FGFR1OP2: variants seen among roughly 807,000 people sequenced by gnomAD.
The protein encoded by FGFR1OP2 is FGFR1 oncogene partner 2.
Under a neutral mutation model 35.2 loss-of-function variants are expected in FGFR1OP2, and 17 were observed. The observed-to-expected ratio is 0.48, with a 90% CI of 0.33 to 0.73. FGFR1OP2 has a LOEUF of 0.73. Among genes scored for constraint, FGFR1OP2 ranks in the 30% least tolerant of loss-of-function variants. The pLI, the probability that FGFR1OP2 is intolerant of heterozygous loss-of-function variation, is 0.02. For synonymous variants in FGFR1OP2, 105 were observed against 104.6 expected (o/e 1.00, Z -0.03); for missense variants, 251 against 307.3 (o/e 0.82, Z 1.37).
intron 1 of FGFR1OP2, among the ~76,000 whole-genome samples, chr12:26,947,891 T>C (rs1938855074): frequency 6.6e-6 from 1 of 152,202 alleles, no homozygotes; most frequent in Non-Finnish European, 1.5e-5. Context: ...TCCTTTGATA[T>C]TCCTTTGTTT....
chr12:26,938,950 C>T (rs1248307967), intron 1 of FGFR1OP2, among the ~76,000 whole-genome samples: 2 of 152,204 alleles, frequency 1.3e-5, no homozygotes, highest in East Asian at 3.9e-4. Context: ...AGCCTTGGCT[C>T]TAACCCTGTG....
At chr12:26,941,710 G>A (rs1938737023) in intron 1 of FGFR1OP2, among the ~76,000 whole-genome samples, 1 of 152,152 alleles carries the variant, frequency 6.6e-6, no homozygotes, top group Non-Finnish European at 1.5e-5. Context: ...TGGTTGCTAG[G>A]CTGTTATGTC....
At chr12:26,940,241 T>C (rs1406826161) in intron 1 of FGFR1OP2, among the ~76,000 whole-genome samples, 4 of 152,222 alleles carry the variant, frequency 2.6e-5, no homozygotes, top group Non-Finnish European at 4.4e-5. Context: ...TTTGAACATA[T>C]GTATGTGAAA....
chr12:26,949,392 A>G (rs1182361879), intron 1 of FGFR1OP2, among the ~76,000 whole-genome samples: 2 of 152,054 alleles, frequency 1.3e-5, no homozygotes, highest in East Asian at 3.9e-4. Flanking sequence ...TCAGCCTCCC[A>G]AAGTGCTGGG....
intron 2 of FGFR1OP2, among the ~76,000 whole-genome samples, chr12:26,954,658 G>C (rs1938990762): frequency 6.6e-6 from 1 of 152,100 alleles, no homozygotes; most frequent in African/African-American, 2.4e-5. Context: ...CTTTATAAAA[G>C]TACTTAGGTG....
At position 26,957,750 on chromosome 12, in the gene FGFR1OP2, C is replaced by A. The variant is rs2136358259; in HGVS notation, c.396+7C>A. 6.2e-7 allele frequency: 1 copy of A among 1,604,424 alleles called. No homozygotes were observed. The highest frequency in any genetic ancestry group is 1.1e-5 in the South Asian group (1 of 89,518). The stretch of plus-strand genomic sequence containing the variant: ...AAAAGAGCAGCACTCCAAGGTAATC[C>A]ATTCTATAAATGTGACCTGAAATGG... On this transcript the variant is annotated splice_region_variant and intron_variant, in intron 4 of 6. Coordinates refer to ENST00000229395, the MANE Select transcript of FGFR1OP2 (RefSeq NM_015633.3).
chr12:26,953,482 A>G (rs927003542), intron 1 of FGFR1OP2: 1 of 152,176 alleles, frequency 6.6e-6, no homozygotes, highest in Non-Finnish European at 1.5e-5. Context: ...TACTGATTTT[A>G]GCATATCAGA....
Position 26,954,316 on chromosome 12 carries a change from A to G in FGFR1OP2, c.135+23A>G, listed in dbSNP as rs761676055. On this transcript the variant is annotated intron_variant, in intron 2 of 6. Transcript: ENST00000229395. ...CAGGTTTGATTTTTCTTTCTTGTTC[A>G]TTCCATTTATCAAAAGCAGTCATTG... 7.0e-6 allele frequency: 11 copies of G among 1,569,418 alleles called. No individual in the cohort carries two copies. The Admixed American group carries it at 9.4e-5, about 13-fold the overall frequency.
intron 6 of FGFR1OP2, 72 bp from the exon 7 acceptor site, chr12:26,964,524 C>T (rs1939146138): frequency 6.6e-7 from 1 of 1,523,022 alleles, no homozygotes; most frequent in Non-Finnish European, 8.9e-7. Context: ...TCAGTTTTTC[C>T]TAACATATGT....
chr12:26,939,074 T>C (rs1478536509), intron 1 of FGFR1OP2, among the ~76,000 whole-genome samples: 2 of 152,228 alleles, frequency 1.3e-5, no homozygotes, highest in African/African-American at 4.8e-5. Context: ...AACTTGTTTC[T>C]TGAAACTGCT....
At chr12:26,941,450 G>T (rs552077402) in intron 1 of FGFR1OP2, among the ~76,000 whole-genome samples, 8 of 152,192 alleles carry the variant, frequency 5.3e-5, no homozygotes, top group Non-Finnish European at 1.2e-4. Context: ...AGAAACTGTT[G>T]TCACTGTGTT....
In FGFR1OP2 at chr12:26,965,225, T is replaced by C. The variant is rs1324093780; in HGVS notation, c.*492T>C. 1 of 153,570 alleles carries C rather than the reference T, an allele frequency of 6.5e-6. No individual in the cohort carries two copies. The highest frequency in any genetic ancestry group is 2.4e-5 in the African/African-American group (1 of 41,452). The allele number at this position is 153,570 out of a possible 1,614,324, so 9.5% of individuals were successfully genotyped here. A position where few individuals can be genotyped will look rare whatever the true frequency, so the allele number is the denominator to read the frequency against. On this transcript the variant is annotated 3_prime_UTR_variant, in exon 7 of 7. Coordinates refer to ENST00000229395, the MANE Select transcript of FGFR1OP2 (RefSeq NM_015633.3). ...TGCCTACTTTCACATTTATTTAAAT[T>C]TTTGTGAAAGAAAATACAGTTTTAA... is the stretch of plus-strand genomic sequence containing the variant.
At chr12:26,948,061 A>G (rs1938857827) in intron 1 of FGFR1OP2, among the ~76,000 whole-genome samples, 1 of 152,234 alleles carries the variant, frequency 6.6e-6, no homozygotes, top group African/African-American at 2.4e-5. Flanking sequence ...TATTTTTACA[A>G]CTTCAAGTGA....
chr12:26,950,584 AG>A (rs1227271705), intron 1 of FGFR1OP2, among the ~76,000 whole-genome samples: 1 of 152,172 alleles, frequency 6.6e-6, no homozygotes, highest in Non-Finnish European at 1.5e-5. Flanking sequence ...AGCATTTCAG[AG>A]AAGTGGATTA....
At chr12:26,963,318 C>T (rs752648380) in intron 5 of FGFR1OP2, 24 bp from the exon 6 acceptor site, 1 of 1,513,242 alleles carries the variant, frequency 6.6e-7, no homozygotes, top group Admixed American at 1.9e-5. Flanking sequence ...TTGCTGATTT[C>T]CAACTCCCAT....
chr12:26,939,634 C>T (rs146952547), intron 1 of FGFR1OP2, among the ~76,000 whole-genome samples: 1 of 152,188 alleles, frequency 6.6e-6, no homozygotes, highest in East Asian at 1.9e-4. Flanking sequence ...CAGACTCCCC[C>T]AGGTGACATT....
At chr12:26,946,818 C>A (rs1425086370) in intron 1 of FGFR1OP2, among the ~76,000 whole-genome samples, 3 of 152,138 alleles carry the variant, frequency 2.0e-5, no homozygotes, top group Admixed American at 1.3e-4. Context: ...TTAACAGTCA[C>A]TTCCCATTCC....
chr12:26,954,453 G>A (rs1938987922), intron 2 of FGFR1OP2, among the ~76,000 whole-genome samples, 160 bp downstream of exon 2: 2 of 152,146 alleles, frequency 1.3e-5, no homozygotes, highest in Non-Finnish European at 2.9e-5. Context: ...TCGTGTTCAG[G>A]TGATATACCT....
Position 26,938,648 on chromosome 12 carries a change from C to G in FGFR1OP2, c.-77C>G, listed in dbSNP as rs188445449. The G allele has an allele frequency of 3.3e-5, 5 of 152,568 alleles. No homozygotes were observed. Among genetic ancestry groups the G allele is most frequent in the East Asian group, 3.9e-4 (2 of 5,160 alleles). 9.5% of individuals were successfully genotyped at this position (152,568 alleles called of 1,614,324 possible). A position where few individuals can be genotyped will look rare whatever the true frequency, so the allele number is the denominator to read the frequency against. On this transcript the variant is annotated 5_prime_UTR_variant, in exon 1 of 7. Transcript: ENST00000229395. ...TCTCTTCCCTTGAGTGCATAGGTCC[C>G]GGTTGGTAGAGGGTTTGAGTCCGCA...
Sources: gnomAD v4.1 joint callset for allele counts (sites outside exome capture counted in the v4.1 genomes callset) on GRCh38, gnomAD v4.1.1 for gene constraint, MANE v1.5 for transcripts, NCBI Gene and HGNC (gene_info 2026-07-23, HGNC 2026-07-21) for gene names.